PCDHGC3: variants seen among roughly 807,000 people sequenced by gnomAD.
The protein encoded by PCDHGC3 is protocadherin gamma-C3.
Under a neutral mutation model 59.2 loss-of-function variants are expected in PCDHGC3, and 26 were observed. That is an observed-to-expected ratio of 0.44 (90% CI 0.32 to 0.61). PCDHGC3 has a LOEUF of 0.61. Among genes scored for constraint, PCDHGC3 ranks in the 20% least tolerant of loss-of-function variants. PCDHGC3 has a pLI of 0.05. For missense variants in PCDHGC3, 1,080 were observed against 1,221.8 expected (o/e 0.88, Z 1.73); for synonymous variants, 487 against 519.7 (o/e 0.94, Z 0.86).
chr5:141,494,491 T>C (rs2099754727), intron 1 of PCDHGC3, among the ~76,000 whole-genome samples: 1 of 152,150 alleles, frequency 6.6e-6, no homozygotes, highest in Admixed American at 6.5e-5. Context: ...AGAAGATGCC[T>C]TCAGTCCTTG....
Position 141,485,585 on chromosome 5 carries a change from C to G in PCDHGC3, c.2430+7039C>G, listed in dbSNP as rs373987810. The G allele has an allele frequency of 7.4e-6, 12 of 1,612,204 alleles. No individual in the cohort carries two copies. The highest frequency in any genetic ancestry group is 1.0e-5 in the Non-Finnish European group (12 of 1,178,590). On this transcript the variant is annotated intron_variant, in intron 1 of 3. Transcript: ENST00000308177. The surrounding 1 kb of genome is among the most constrained non-coding windows in gnomAD (Gnocchi z 5.7). ...CGCCCCCCGTTTTCCGCGGCAGCAG[C>G]TGGACTTGGAAATTGGGGAGGCAGC...
At chr5:141,479,855 C>T (rs1330076788) in intron 1 of PCDHGC3, among the ~76,000 whole-genome samples, 2 of 152,128 alleles carry the variant, frequency 1.3e-5, no homozygotes, top group Non-Finnish European at 2.9e-5. Context: ...ACTGCAAGGC[C>T]TTTGCCCTGG....
chr5:141,490,061 A>G lies in PCDHGC3; in HGVS notation c.2431-4746A>G, dbSNP rs1562135413. On this transcript the variant is annotated intron_variant, in intron 1 of 3. Transcript: ENST00000308177. This position sits in a 1 kb window ranked among gnomAD's most constrained non-coding sequence, Gnocchi z 5.4. Reference sequence around the variant, plus strand: ...GCCACTGATCCAGACGAGGGCACCAACGGCCAACTAGACTATTCTTTTGGA... The same window carrying G: ...GCCACTGATCCAGACGAGGGCACCAGCGGCCAACTAGACTATTCTTTTGGA... 1.2e-6 allele frequency: 2 copies of G among 1,614,214 alleles called. No individual in the cohort carries two copies. Among genetic ancestry groups the G allele is most frequent in the East Asian group, 2.2e-5 (1 of 44,884 alleles).
rs747268184 is a variant in PCDHGC3, at chr5:141,489,769, C to A, written c.2431-5038C>A. On this transcript the variant is annotated intron_variant, in intron 1 of 3. Coordinates refer to ENST00000308177, the MANE Select transcript of PCDHGC3 (RefSeq NM_002588.4). This position sits in a 1 kb window ranked among gnomAD's most constrained non-coding sequence, Gnocchi z 4.5. ...CTTTTACACTCTAAGCCCCAACAGC[C>A]ACTTCTCTCTGAATGTGAAGACCCT... The A allele has an allele frequency of 6.2e-7, 1 of 1,614,156 alleles. No individual in the cohort carries two copies. The highest frequency in any genetic ancestry group is 1.1e-5 in the South Asian group (1 of 91,080).
In PCDHGC3 at chr5:141,490,267, G is replaced by A. The variant is rs765238578; in HGVS notation, c.2431-4540G>A. ...TGTGATTCAAGTGGATGTGGGGGAT[G>A]TCAATGACAATGCCCCAGAGGTGCT... On this transcript the variant is annotated intron_variant, in intron 1 of 3. Transcript: ENST00000308177. The surrounding 1 kb of genome is among the most constrained non-coding windows in gnomAD (Gnocchi z 5.4). The A allele has an allele frequency of 6.2e-7, 1 of 1,614,242 alleles. No homozygotes were observed. The highest frequency in any genetic ancestry group is 1.1e-5 in the South Asian group (1 of 91,084).
chr5:141,478,819 C>T, intron 1 of PCDHGC3: 8 of 1,447,842 alleles, frequency 5.5e-6, no homozygotes, highest in South Asian at 3.0e-5. Flanking sequence ...CACAACTAAC[C>T]AATCTTGCTA....
chr5:141,490,948 G>T lies in PCDHGC3; in HGVS notation c.2431-3859G>T. 1 of 1,613,756 alleles carries T rather than the reference G, an allele frequency of 6.2e-7. No homozygotes were observed. The highest frequency in any genetic ancestry group is 8.5e-7 in the Non-Finnish European group (1 of 1,179,810). On this transcript the variant is annotated intron_variant, in intron 1 of 3. Coordinates refer to ENST00000308177, the MANE Select transcript of PCDHGC3 (RefSeq NM_002588.4). The surrounding 1 kb of genome is among the most constrained non-coding windows in gnomAD (Gnocchi z 5.4). The stretch of plus-strand genomic sequence containing the variant: ...CCCAGCTGTGCTGCACCCACGGCCA[G>T]ACTGGGAACACTCAGCCCCCCAGCG...
rs764976894 is a variant in PCDHGC3, at chr5:141,476,238, G to T, written c.122G>T (p.Arg41Ile). Residue 41 changes from arginine (R) to isoleucine (I), a missense_variant, in exon 1 of 4, where the codon AGA (arginine) becomes ATA (isoleucine). By Grantham distance (97) the Arg-to-Ile change is moderately conservative. Transcript: ENST00000308177. The surrounding 1 kb of genome is among the most constrained non-coding windows in gnomAD (Gnocchi z 7.6). Reference protein sequence around the residue: ...TVIHYEIPEEREKGFAVGNVV... With the variant: ...TVIHYEIPEEIEKGFAVGNVV... ...ATTCACTATGAGATCCCGGAGGAAA[G>T]AGAGAAGGGTTTCGCTGTGGGCAAC... is the stretch of plus-strand genomic sequence containing the variant. The T allele has an allele frequency of 3.1e-6, 5 of 1,614,098 alleles. No individual in the cohort carries two copies. The highest frequency in any genetic ancestry group is 4.2e-6 in the Non-Finnish European group (5 of 1,180,012).
intron 3 of PCDHGC3, among the ~76,000 whole-genome samples, chr5:141,509,620 C>G (rs1321910971): frequency 6.6e-6 from 1 of 152,188 alleles, no homozygotes; most frequent in African/African-American, 2.4e-5. Context: ...TAAACAAGTT[C>G]CTGGGTGATG....
In PCDHGC3 at chr5:141,476,516, G is replaced by T. The variant is rs1042414523; in HGVS notation, c.400G>T (p.Ala134Ser). 1 of 1,614,016 alleles carries T rather than the reference G, an allele frequency of 6.2e-7. No individual in the cohort carries two copies. The highest frequency in any genetic ancestry group is 8.5e-7 in the Non-Finnish European group (1 of 1,180,022). ...VIQDINDNNPAFPTQEMKLEI... is the reference protein window; with the variant it reads ...VIQDINDNNPSFPTQEMKLEI... ...CCAGGACATCAACGACAACAATCCT[G>T]CTTTCCCTACCCAGGAAATGAAATT... Residue 134 changes from alanine to serine, a missense_variant, in exon 1 of 4, where the codon GCT becomes TCT. Physicochemically the swap from Ala to Ser is moderately conservative, Grantham distance 99. Transcript: ENST00000308177. The surrounding 1 kb of genome is among the most constrained non-coding windows in gnomAD (Gnocchi z 7.6).
At chr5:141,492,385 G>A (rs1224771842) in intron 1 of PCDHGC3, among the ~76,000 whole-genome samples, 1 of 152,208 alleles carries the variant, frequency 6.6e-6, no homozygotes, top group Non-Finnish European at 1.5e-5. Context: ...GGCCTGTTCC[G>A]GTCCACTCGC....
At position 141,477,938 on chromosome 5, in the gene PCDHGC3, T is replaced by C. The variant is rs1441443411; in HGVS notation, c.1822T>C (p.Tyr608His). ...ADAGHNAWLSYSLLGSPNQSL... is the reference protein window; with the variant it reads ...ADAGHNAWLSHSLLGSPNQSL... The stretch of plus-strand genomic sequence containing the variant: ...TGCAGGGCACAATGCCTGGCTCTCC[T>C]ACAGTCTCTTGGGATCCCCTAACCA... Residue 608 changes from tyrosine (Y) to histidine (H), a missense_variant, in exon 1 of 4, where the codon TAC (tyrosine) becomes CAC (histidine). Transcript: ENST00000308177. The surrounding 1 kb of genome is among the most constrained non-coding windows in gnomAD (Gnocchi z 4.9). The C allele has an allele frequency of 3.1e-6, 5 of 1,614,036 alleles. No homozygotes were observed. The highest frequency in any genetic ancestry group is 4.2e-6 in the Non-Finnish European group (5 of 1,180,030).
chr5:141,508,910 A>T (rs2099872999), intron 3 of PCDHGC3, among the ~76,000 whole-genome samples: 1 of 151,906 alleles, frequency 6.6e-6, no homozygotes, highest in Non-Finnish European at 1.5e-5. Context: ...GCGGTGGCGG[A>T]TCTGGCTTCC....
rs1423148 is a variant in PCDHGC3 at position 141,478,231 on chromosome 5, T to C, written c.2115T>C (p.Phe705=). ...LLSLILVSVG[F]VVTVFGVIIF... Reference sequence around the variant, plus strand: ...CTCTAATCCTGGTTTCTGTGGGGTTTGTGGTCACAGTGTTCGGAGTAATCA... The same window carrying C: ...CTCTAATCCTGGTTTCTGTGGGGTTCGTGGTCACAGTGTTCGGAGTAATCA... Residue 705 remains phenylalanine (F), a synonymous_variant, in exon 1 of 4, where the codon TTT becomes TTC. Coordinates refer to ENST00000308177, the MANE Select transcript of PCDHGC3 (RefSeq NM_002588.4). 739,438 of 1,613,786 alleles carry C rather than the reference T, an allele frequency of 0.46. 177,434 individuals carry two copies. Among genetic ancestry groups the C allele is most frequent in the African/African-American group, 0.83 (62,282 of 75,004 alleles).
intron 1 of PCDHGC3, among the ~76,000 whole-genome samples, chr5:141,480,274 G>A (rs111260319): frequency 6.6e-6 from 1 of 152,036 alleles, no homozygotes; most frequent in Non-Finnish European, 1.5e-5. Context: ...CATTAGCTGG[G>A]TGTGTTGGCA....
Position 141,489,699 on chromosome 5 carries a change from A to G in PCDHGC3, c.2431-5108A>G. ...CAGCAGCATCTGGGGCACGATTCCC[A>G]CTGGACAGTGCCCAGGATCCGGATG... is the stretch of plus-strand genomic sequence containing the variant. On this transcript the variant is annotated intron_variant, in intron 1 of 3. Transcript: ENST00000308177. The surrounding 1 kb of genome is among the most constrained non-coding windows in gnomAD (Gnocchi z 4.5). The G allele has an allele frequency of 6.2e-7, 1 of 1,614,102 alleles. No homozygotes were observed. The highest frequency in any genetic ancestry group is 8.5e-7 in the Non-Finnish European group (1 of 1,179,956).
chr5:141,476,184 T>C lies in PCDHGC3; in HGVS notation c.68T>C (p.Leu23Pro), dbSNP rs1038598087. ...TGRVVGVLLL[L>P]GALNKASTVI... ...AGGGTAGTGGGAGTTTTGCTTCTGC[T>C]TGGTGCCTTGAACAAGGCTTCCACG... The change falls in exon 1 of 4, where the codon CTT becomes CCT. Residue 23 changes from leucine to proline, a missense_variant. Coordinates refer to ENST00000308177, the MANE Select transcript of PCDHGC3 (RefSeq NM_002588.4). The surrounding 1 kb of genome is among the most constrained non-coding windows in gnomAD (Gnocchi z 7.6). 1 of 1,613,708 alleles carries C rather than the reference T, an allele frequency of 6.2e-7. No homozygotes were observed. Among genetic ancestry groups the C allele is most frequent in the Non-Finnish European group, 8.5e-7 (1 of 1,179,992 alleles).
chr5:141,491,857 G>A lies in PCDHGC3; in HGVS notation c.2431-2950G>A. Reference sequence around the variant, plus strand: ...CTCGGGATCATTGGACCGTTTGCGCGAAACCAGAGTGGCCGATTAAGGGAT... The same window carrying A: ...CTCGGGATCATTGGACCGTTTGCGCAAAACCAGAGTGGCCGATTAAGGGAT... On this transcript the variant is annotated intron_variant, in intron 1 of 3. Transcript: ENST00000308177. This position sits in a 1 kb window ranked among gnomAD's most constrained non-coding sequence, Gnocchi z 6.9. The A allele has an allele frequency of 6.9e-7, 1 of 1,457,470 alleles. No homozygotes were observed. The highest frequency in any genetic ancestry group is 1.5e-5 in the South Asian group (1 of 68,508). The allele number at this position is 1,457,470 out of a possible 1,614,324, so 90.3% of individuals were successfully genotyped here. A position where few individuals can be genotyped will look rare whatever the true frequency, so the allele number is the denominator to read the frequency against.
At position 141,490,707 on chromosome 5, in the gene PCDHGC3, C is replaced by T; in HGVS notation, c.2431-4100C>T. ...CAGACACTGGGGATAATGCCCGCCT[C>T]ACCTACTCCATTGTAGGAAATCAGG... On this transcript the variant is annotated intron_variant, in intron 1 of 3. Transcript: ENST00000308177. The surrounding 1 kb of genome is among the most constrained non-coding windows in gnomAD (Gnocchi z 5.4). The T allele has an allele frequency of 3.1e-6, 5 of 1,614,194 alleles. No individual in the cohort carries two copies. Among genetic ancestry groups the T allele is most frequent in the Non-Finnish European group, 3.4e-6 (4 of 1,180,008 alleles).
Sources: allele counts gnomAD v4.1 joint callset (sites outside exome capture counted in the v4.1 genomes callset), GRCh38; gene constraint gnomAD v4.1.1; non-coding constraint Gnocchi (gnomAD v3.1); transcripts MANE v1.5; gene names NCBI Gene and HGNC (gene_info 2026-07-23, HGNC 2026-07-21).